Variants in CIT observed in about 807,000 individuals in gnomAD.
CIT encodes the protein citron Rho-interacting kinase.
In CIT, 79 loss-of-function variants were observed where a neutral mutation model predicts 272.7. The observed-to-expected ratio is 0.29, with a 90% CI of 0.24 to 0.35. The LOEUF (loss-of-function observed/expected upper bound fraction) is 0.35. CIT is among the 10% of genes least tolerant of loss of function. CIT has a pLI of 1.00. For synonymous variants in CIT, 948 were observed against 995.6 expected (o/e 0.95, Z 0.90); for missense variants, 1,909 against 2,618.3 (o/e 0.73, Z 5.91).
rs1957214800 is a variant in CIT, at chr12:119,712,470, G to A, written c.4684+121C>T. The A allele has an allele frequency of 7.1e-7, 1 of 1,401,370 alleles. No individual in the cohort carries two copies. The highest frequency in any genetic ancestry group is 9.9e-7 in the Non-Finnish European group (1 of 1,010,680). The allele number at this position is 1,401,370 out of a possible 1,614,324, so 86.8% of individuals were successfully genotyped here. A position where few individuals can be genotyped will look rare whatever the true frequency, so the allele number is the denominator to read the frequency against. On this transcript the variant is annotated intron_variant, in intron 36 of 47. Coordinates refer to ENST00000392521, the MANE Select transcript of CIT (RefSeq NM_001206999.2). The surrounding 1 kb of genome is among the most constrained non-coding windows in gnomAD (Gnocchi z 5.2). ...CAAATCCCAGTTACCGCCAAGGCGG[G>A]GAGCGGAGGAAGATGGGCCTCCTTT...
chr12:119,738,609 C>A (rs149811085), intron 24 of CIT, among the ~76,000 whole-genome samples: 1 of 151,918 alleles, frequency 6.6e-6, no homozygotes, highest in African/African-American at 2.4e-5. Context: ...CTAAGCTGGA[C>A]GTGGTGGCTC....
intron 18 of CIT, among the ~76,000 whole-genome samples, chr12:119,767,712 C>T (rs1009443222): frequency 2.0e-5 from 3 of 152,068 alleles, no homozygotes; most frequent in African/African-American, 7.2e-5. Flanking sequence ...TGGTAAGTGG[C>T]ATATGTGACT....
At chr12:119,707,497 C>T (rs558902340) in intron 40 of CIT, among the ~76,000 whole-genome samples, 25 of 151,672 alleles carry the variant, frequency 1.6e-4, no homozygotes, top group African/African-American at 3.2e-4. Context: ...AGAGACTCGA[C>T]GAAAACCACA....
chr12:119,842,830 G>A (rs1403983224), intron 5 of CIT, among the ~76,000 whole-genome samples: 2 of 152,122 alleles, frequency 1.3e-5, no homozygotes, highest in African/African-American at 4.8e-5. Flanking sequence ...TGCAAGTTCC[G>A]TAATACAATA....
intron 44 of CIT, chr12:119,700,019 G>C (rs1372268835): frequency 2.4e-6 from 1 of 421,016 alleles, no homozygotes; most frequent in Admixed American, 2.5e-5. Flanking sequence ...GTACAAGGAT[G>C]TTCATCGTAG....
intron 24 of CIT, among the ~76,000 whole-genome samples, chr12:119,740,373 A>C (rs1018293227): frequency 1.3e-5 from 2 of 152,220 alleles, no homozygotes; most frequent in Non-Finnish European, 2.9e-5. Flanking sequence ...GGTCATGAAT[A>C]CAATAAATAT....
At chr12:119,695,080 G>T (rs1341443258) in intron 46 of CIT, among the ~76,000 whole-genome samples, 1 of 152,130 alleles carries the variant, frequency 6.6e-6, no homozygotes, top group African/African-American at 2.4e-5. Flanking sequence ...AAACCACACT[G>T]AACAAGCATG....
chr12:119,783,875 C>T (rs1351157354), intron 12 of CIT, 33 bp downstream of exon 12: 3 of 1,542,820 alleles, frequency 1.9e-6, no homozygotes, highest in Non-Finnish European at 2.6e-6. Context: ...GAAGTGCCAC[C>T]TCCAAGGGAA....
intron 23 of CIT, among the ~76,000 whole-genome samples, chr12:119,746,831 T>C (rs1168926483): frequency 6.6e-6 from 1 of 152,248 alleles, no homozygotes; most frequent in Non-Finnish European, 1.5e-5. Flanking sequence ...CTAGACCTAC[T>C]GTAAGCACTT....
Position 119,694,406 on chromosome 12 carries a change from T to G in CIT, c.5882+3253A>C, listed in dbSNP as rs1262873030. The stretch of plus-strand genomic sequence containing the variant: ...TGATAAGGAAGGTTGTGCAGGCATC[T>G]GGGGAGAAATGAATGAATAACTACT... On this transcript the variant is annotated intron_variant, in intron 46 of 47. Coordinates refer to ENST00000392521, the MANE Select transcript of CIT (RefSeq NM_001206999.2). This position sits in a 1 kb window ranked among gnomAD's most constrained non-coding sequence, Gnocchi z 4.5. Among the ~76,000 whole-genome samples, 2 of 152,192 alleles carry G rather than the reference T, an allele frequency of 1.3e-5. No individual in the cohort carries two copies. The highest frequency in any genetic ancestry group is 2.9e-5 in the Non-Finnish European group (2 of 68,036).
Position 119,751,688 on chromosome 12 carries a change from T to C in CIT, c.2904+362A>G, listed in dbSNP as rs892604789. On this transcript the variant is annotated intron_variant, in intron 23 of 47. Coordinates refer to ENST00000392521, the MANE Select transcript of CIT (RefSeq NM_001206999.2). ...GGTAGAAAAACTACTATAAGATTATTATTATTATTTTAAATGATTATTGAA... is the reference window on the plus strand; with the variant it reads ...GGTAGAAAAACTACTATAAGATTATCATTATTATTTTAAATGATTATTGAA... 3.3e-5 allele frequency among the ~76,000 whole-genome samples: 5 copies of C among 151,436 alleles called. No homozygotes were observed. In the South Asian group the frequency reaches 8.3e-4, roughly 25 times the overall value.
chr12:119,714,439 C>A (rs1957338390), intron 32 of CIT, 105 bp from the exon 33 acceptor site: 2 of 1,199,474 alleles, frequency 1.7e-6, no homozygotes, highest in African/African-American at 1.5e-5. Context: ...CAAATCAAAT[C>A]TCTGATAAGG....
At chr12:119,864,243 A>C (rs897018863) in intron 3 of CIT, among the ~76,000 whole-genome samples, 1 of 152,198 alleles carries the variant, frequency 6.6e-6, no homozygotes, top group African/African-American at 2.4e-5. Flanking sequence ...GCTACTGTCA[A>C]ATTGCCAATA....
At chr12:119,802,056 A>G (rs1178992073) in intron 10 of CIT, among the ~76,000 whole-genome samples, 1 of 152,198 alleles carries the variant, frequency 6.6e-6, no homozygotes, top group African/African-American at 2.4e-5. Context: ...ACCCATAGGG[A>G]GACACCATCC....
At chr12:119,830,471 A>T (rs1321978487) in intron 7 of CIT, among the ~76,000 whole-genome samples, 2 of 151,978 alleles carry the variant, frequency 1.3e-5, no homozygotes, top group Non-Finnish European at 2.9e-5. Context: ...ATTCCTATTT[A>T]TTTACCAAGC....
intron 5 of CIT, among the ~76,000 whole-genome samples, chr12:119,845,309 G>A (rs1029104894): frequency 3.1e-4 from 47 of 152,062 alleles, no homozygotes; most frequent in African/African-American, 8.9e-4. Flanking sequence ...GAGGTACTCC[G>A]GGAAGGCTAT....
intron 26 of CIT, among the ~76,000 whole-genome samples, chr12:119,732,621 T>G (rs1051173253): frequency 1.3e-5 from 2 of 152,224 alleles, no homozygotes; most frequent in African/African-American, 2.4e-5. Context: ...ATGTAAGGGT[T>G]TTCATCTTTT....
At position 119,834,767 on chromosome 12, in the gene CIT, T is replaced by C. The variant is rs560262868; in HGVS notation, c.517-539A>G. Among the ~76,000 whole-genome samples the C allele has an allele frequency of 2.0e-5, 3 of 152,364 alleles. No homozygotes were observed. The East Asian group carries it at 5.8e-4, about 29-fold the overall frequency. ...TCCACTTCTAACAATTTACAGGTAC[T>C]TACAATAGTTTGCAGATAAATAGAA... is the stretch of plus-strand genomic sequence containing the variant. On this transcript the variant is annotated intron_variant, in intron 5 of 47. Coordinates refer to ENST00000392521, the MANE Select transcript of CIT (RefSeq NM_001206999.2).
At chr12:119,706,537 T>C (rs1486357273) in intron 40 of CIT, among the ~76,000 whole-genome samples, 4 of 152,084 alleles carry the variant, frequency 2.6e-5, no homozygotes, top group African/African-American at 9.7e-5. Context: ...AAACATGTGG[T>C]ATTTGTTTTT....
Sources: gnomAD v4.1 joint callset for allele counts (sites outside exome capture counted in the v4.1 genomes callset) on GRCh38, gnomAD v4.1.1 for gene constraint, Gnocchi (gnomAD v3.1) non-coding constraint, MANE v1.5 for transcripts, NCBI Gene and HGNC (gene_info 2026-07-23, HGNC 2026-07-21) for gene names.